The following FYB1 variants were observed in gnomAD, a reference collection of about 807,000 sequenced individuals.
FYB1 encodes FYN binding protein 1.
FYB1 carries 41 observed loss-of-function variants against 94.1 expected under a neutral mutation model. The observed-to-expected ratio is 0.44, with a 90% confidence interval of 0.34 to 0.57. The LOEUF (loss-of-function observed/expected upper bound fraction) is 0.57. Among genes scored for constraint, FYB1 ranks in the 20% least tolerant of loss-of-function variants. The probability of loss-of-function intolerance (pLI) is 0.02; values close to 1 mark genes in which losing one functional copy is unlikely to be tolerated. For synonymous variants in FYB1, 367 were observed against 353.2 expected (o/e 1.04, Z -0.44); for missense variants, 1,050 against 976.8 (o/e 1.07, Z -1.00).
intron 17 of FYB1, 123 bp downstream of exon 17, chr5:39,110,233 T>C: frequency 1.7e-6 from 1 of 596,820 alleles, no homozygotes; most frequent in East Asian, 3.0e-5. Flanking sequence ...TATAGCATAT[T>C]GTTTTTAAAT....
At chr5:39,267,994 A>G (rs1752504337) in intron 1 of FYB1, among the ~76,000 whole-genome samples, 1 of 152,244 alleles carries the variant, frequency 6.6e-6, no homozygotes, top group Non-Finnish European at 1.5e-5. Context: ...CTACTACACA[A>G]TTATTAAAAA....
intron 1 of FYB1, among the ~76,000 whole-genome samples, chr5:39,213,779 T>C (rs974453676): frequency 2.0e-5 from 3 of 152,086 alleles, no homozygotes; most frequent in Non-Finnish European, 2.9e-5. Context: ...ACCATCTAAC[T>C]GGTAGTTTAG....
In FYB1 at chr5:39,134,907, G is replaced by A; in HGVS notation, c.1623C>T (p.Arg541=). ...ATTTTCCTTCTGGGTTGTCTGTGATGCGGATGATTTCAATTTGCTCTCCTT... is the reference window on the plus strand; with the variant it reads ...ATTTTCCTTCTGGGTTGTCTGTGATACGGATGATTTCAATTTGCTCTCCTT... The part of the protein sequence containing the change: ...FKQGEQIEII[R]ITDNPEGKWL... The change falls in exon 8 of 19, where the codon CGC becomes CGT. Residue 541 remains arginine, a synonymous_variant. Coordinates refer to ENST00000512982, the MANE Select transcript of FYB1 (RefSeq NM_001465.6). The A allele has an allele frequency of 2.5e-6, 4 of 1,613,924 alleles. No homozygotes were observed. The highest frequency in any genetic ancestry group is 3.4e-6 in the Non-Finnish European group (4 of 1,179,872).
rs760355723 is a variant in FYB1 at position 39,106,413 on chromosome 5, T to C, written c.*1030A>G. On this transcript the variant is annotated 3_prime_UTR_variant, in exon 19 of 19. Coordinates refer to ENST00000512982, the MANE Select transcript of FYB1 (RefSeq NM_001465.6). The stretch of plus-strand genomic sequence containing the variant: ...ACATTTGAAACCCAAATGGTTCACA[T>C]TTTGTTTTTGGATTGCTTTGGGAAT... 4 of 152,150 alleles carry C rather than the reference T, an allele frequency of 2.6e-5. No homozygotes were observed. Among genetic ancestry groups the C allele is most frequent in the African/African-American group, 7.2e-5 (3 of 41,440 alleles). 9.4% of individuals were successfully genotyped at this position (152,150 alleles called of 1,614,324 possible).
chr5:39,197,596 G>T (rs73091047), intron 2 of FYB1, among the ~76,000 whole-genome samples: 3 of 152,198 alleles, frequency 2.0e-5, no homozygotes, highest in African/African-American at 4.8e-5. Context: ...ACAGGTAATG[G>T]GGAAAGCAAA....
At chr5:39,130,759 G>A (rs938830794) in intron 9 of FYB1, 147 bp from the exon 10 acceptor site, 19 of 624,264 alleles carry the variant, frequency 3.0e-5, no homozygotes, top group South Asian at 3.0e-4. Context: ...AGGAAAAAAT[G>A]TTCCTTATCA....
At chr5:39,241,098 C>T (rs1271028339) in intron 1 of FYB1, among the ~76,000 whole-genome samples, 2 of 152,116 alleles carry the variant, frequency 1.3e-5, no homozygotes, top group African/African-American at 4.8e-5. Context: ...GTTTACACTT[C>T]TATGTGGGAG....
intron 2 of FYB1, among the ~76,000 whole-genome samples, chr5:39,196,798 A>ATCGGGAACACAGTCTGCGGAT (rs1230857957): frequency 1.3e-5 from 2 of 152,228 alleles, no homozygotes; most frequent in Non-Finnish European, 2.9e-5. Flanking sequence ...AGTCTGCGGA[A>ATCGGGAACACAGTCTGCGGAT]TCAGAAAGAC....
intron 2 of FYB1, among the ~76,000 whole-genome samples, chr5:39,155,342 C>T (rs1353040732): frequency 1.3e-5 from 2 of 152,316 alleles, no homozygotes; most frequent in South Asian, 4.1e-4. Context: ...ACTGCAGACT[C>T]GAGACCCTCT....
At chr5:39,141,642 G>T (rs1015265776) in intron 3 of FYB1, among the ~76,000 whole-genome samples, 1 of 151,964 alleles carries the variant, frequency 6.6e-6, no homozygotes, top group African/African-American at 2.4e-5. Context: ...ACATTAGGTT[G>T]GTGCAAAAGT....
chr5:39,106,197 T>G lies in FYB1; in HGVS notation c.*1246A>C, dbSNP rs1760365495. ...TGGAAAAACTTACTTAGTCTAATAT[T>G]GTAATTTACAGATAAGGAAACTGAG... On this transcript the variant is annotated 3_prime_UTR_variant, in exon 19 of 19. Transcript: ENST00000512982. 6.6e-6 allele frequency: 1 copy of G among 152,162 alleles called. No homozygotes were observed. The highest frequency in any genetic ancestry group is 2.4e-5 in the African/African-American group (1 of 41,442). The allele number at this position is 152,162 out of a possible 1,614,324, so 9.4% of individuals were successfully genotyped here. A position where few individuals can be genotyped will look rare whatever the true frequency, so the allele number is the denominator to read the frequency against.
Position 39,247,347 on chromosome 5 carries a change from C to T in FYB1, c.-28+27056G>A, listed in dbSNP as rs575660099. 4.1e-4 allele frequency among the ~76,000 whole-genome samples: 62 copies of T among 151,634 alleles called. 1 individual carries two copies. In the Middle Eastern group the frequency reaches 0.014, roughly 34 times the overall value. ...GAATAGTATTTTAAATTGTAACATA[C>T]GGGGTATATATGGAAAGCTTATTCC... On this transcript the variant is annotated intron_variant, in intron 1 of 1. Transcript: ENST00000510188.
intron 1 of FYB1, among the ~76,000 whole-genome samples, chr5:39,224,769 T>G (rs1282400041): frequency 6.6e-6 from 1 of 152,174 alleles, no homozygotes; most frequent in East Asian, 1.9e-4. Context: ...CTGGCTCCTA[T>G]TTAATGTGTA....
intron 3 of FYB1, among the ~76,000 whole-genome samples, chr5:39,147,813 T>C (rs1179891559): frequency 3.3e-5 from 5 of 150,660 alleles, no homozygotes; most frequent in Middle Eastern, 3.4e-3. Context: ...CCCGAGTAGC[T>C]GGGACTGCAG....
chr5:39,134,240 A>G lies in FYB1; in HGVS notation c.1785T>C (p.Tyr595=). The G allele has an allele frequency of 4.3e-6, 7 of 1,612,772 alleles. No individual in the cohort carries two copies. Among genetic ancestry groups the G allele is most frequent in the Non-Finnish European group, 5.9e-6 (7 of 1,179,030 alleles). Residue 595 remains tyrosine (Y), a synonymous_variant, in exon 9 of 19, where the codon TAT becomes TAC. Coordinates refer to ENST00000512982, the MANE Select transcript of FYB1 (RefSeq NM_001465.6). ...SRPIEDDQEV[Y]DDVAEQDDIS... ...TATCATCCTGCTCTGCAACATCATC[A>G]TATACTTCTTGGTCATCTTCAATAG...
intron 16 of FYB1, among the ~76,000 whole-genome samples, chr5:39,114,707 T>G (rs1485568335): frequency 6.6e-6 from 1 of 152,224 alleles, no homozygotes; most frequent in Non-Finnish European, 1.5e-5. Context: ...AGTTAAACTA[T>G]TCAGCAGACT....
At chr5:39,153,227 A>G (rs1347993122) in intron 3 of FYB1, among the ~76,000 whole-genome samples, 1 of 152,198 alleles carries the variant, frequency 6.6e-6, no homozygotes. Flanking sequence ...AACCCAACAT[A>G]AAACAGATAA....
In FYB1 at chr5:39,180,949, AC is replaced by A. The variant is rs1464805764; in HGVS notation, c.1135+20876del. Among the ~76,000 whole-genome samples the A allele has an allele frequency of 3.0e-3, 461 of 152,324 alleles. 7 individuals carry two copies. The highest frequency in any genetic ancestry group is 0.01 in the African/African-American group (436 of 41,578). ...GATTACTTTTCCATATATTTCTGGA[AC>A]AGAAATTCAGGGATTTGCTCACTCA... On this transcript the variant is annotated intron_variant, in intron 2 of 18. Transcript: ENST00000512982.
At chr5:39,128,545 C>T (rs1352516512) in intron 10 of FYB1, among the ~76,000 whole-genome samples, 1 of 152,112 alleles carries the variant, frequency 6.6e-6, no homozygotes, top group African/African-American at 2.4e-5. Flanking sequence ...TAAACAAAAA[C>T]ACTTCCAAAA....
Sources: allele counts gnomAD v4.1 joint callset (sites outside exome capture counted in the v4.1 genomes callset), GRCh38; gene constraint gnomAD v4.1.1; transcripts MANE v1.5; gene names NCBI Gene and HGNC (gene_info 2026-07-23, HGNC 2026-07-21).